The following ANKRD6 variants were observed in gnomAD, a reference collection of about 807,000 sequenced individuals.
ANKRD6 encodes the protein ankyrin repeat domain 6, also known as ankyrin repeat domain-containing protein 6.
In ANKRD6, 56 loss-of-function variants were observed where a neutral mutation model predicts 82.3. That is an observed-to-expected ratio of 0.68 (90% confidence interval 0.55 to 0.85). The LOEUF is 0.85. Ranked by LOEUF, ANKRD6 falls within the 40% of genes least tolerant of loss-of-function variation. The probability of loss-of-function intolerance (pLI) is 0.00; values close to 1 mark genes in which losing one functional copy is unlikely to be tolerated. For missense variants in ANKRD6, 852 were observed against 907.6 expected (o/e 0.94, Z 0.79); for synonymous variants, 347 against 352.1 (o/e 0.99, Z 0.16).
chr6:89,449,873 T>A (rs1192312299), intron 1 of ANKRD6, among the ~76,000 whole-genome samples: 2 of 152,156 alleles, frequency 1.3e-5, no homozygotes, highest in Non-Finnish European at 2.9e-5. Flanking sequence ...CTATCTCGGG[T>A]GAAGATGCTG....
intron 1 of ANKRD6, among the ~76,000 whole-genome samples, chr6:89,543,381 A>G (rs566652737): frequency 2.6e-5 from 4 of 152,286 alleles, no homozygotes; most frequent in Non-Finnish European, 5.9e-5. Context: ...ACTTGGGGAC[A>G]AGGTGCTTCT....
intron 1 of ANKRD6, among the ~76,000 whole-genome samples, chr6:89,520,031 A>G (rs1781701001): frequency 6.6e-6 from 1 of 152,182 alleles, no homozygotes; most frequent in African/African-American, 2.4e-5. Context: ...TCTGTTGCTC[A>G]GGCTTGAGTG....
chr6:89,565,462 A>G (rs1233095509), intron 1 of ANKRD6: 2 of 152,258 alleles, frequency 1.3e-5, no homozygotes, highest in Non-Finnish European at 2.9e-5. Context: ...CATCTGGGCC[A>G]TACTTTCACA....
intron 1 of ANKRD6, among the ~76,000 whole-genome samples, chr6:89,452,000 C>T (rs1426314835): frequency 6.6e-6 from 1 of 152,066 alleles, no homozygotes; most frequent in Admixed American, 6.6e-5. Context: ...AGTTCAAAAC[C>T]AGCCTGGGAA....
At position 89,632,657 on chromosome 6, in the gene ANKRD6, G is replaced by A. The variant is rs1807635967; in HGVS notation, c.*1653G>A. On this transcript the variant is annotated 3_prime_UTR_variant, in exon 16 of 16. Coordinates refer to ENST00000339746, the MANE Select transcript of ANKRD6 (RefSeq NM_001242809.2). ...TGTTATTTCAAGTTGATTTTCATGT[G>A]TTTGGGAGCTTGTCTTGTTCTCAAC... 6.6e-6 allele frequency: 1 copy of A among 152,220 alleles called. No homozygotes were observed. The highest frequency in any genetic ancestry group is 1.5e-5 in the Non-Finnish European group (1 of 68,040). 9.4% of individuals were successfully genotyped at this position (152,220 alleles called of 1,614,324 possible). A position where few individuals can be genotyped will look rare whatever the true frequency, so the allele number is the denominator to read the frequency against.
intron 1 of ANKRD6, among the ~76,000 whole-genome samples, chr6:89,451,040 G>A (rs567325590): frequency 4.6e-5 from 7 of 152,160 alleles, no homozygotes; most frequent in Non-Finnish European, 8.8e-5. Flanking sequence ...GGGTGCCATG[G>A]CTAACGCCTG....
intron 1 of ANKRD6, among the ~76,000 whole-genome samples, chr6:89,559,358 A>G (rs558394714): frequency 3.9e-5 from 6 of 151,974 alleles, no homozygotes; most frequent in Non-Finnish European, 4.4e-5. Flanking sequence ...CTAACACACT[A>G]CCTTCTCTGT....
At chr6:89,526,274 T>C (rs1323745629) in intron 1 of ANKRD6, among the ~76,000 whole-genome samples, 2 of 152,190 alleles carry the variant, frequency 1.3e-5, no homozygotes, top group African/African-American at 4.8e-5. Flanking sequence ...CCCCATCCAG[T>C]TTCCCCATAA....
chr6:89,575,700 G>C (rs1790966706), intron 2 of ANKRD6, among the ~76,000 whole-genome samples: 1 of 152,202 alleles, frequency 6.6e-6, no homozygotes, highest in East Asian at 1.9e-4. Flanking sequence ...AGGCTTGTAA[G>C]ATATATATGG....
intron 5 of ANKRD6, among the ~76,000 whole-genome samples, chr6:89,611,046 A>C (rs1047157782): frequency 1.3e-5 from 2 of 152,128 alleles, no homozygotes; most frequent in African/African-American, 4.8e-5. Context: ...AGCCTGCTAG[A>C]ACCTCAGGCC....
chr6:89,467,048 A>AT (rs1402550098), intron 1 of ANKRD6, among the ~76,000 whole-genome samples: 7 of 151,894 alleles, frequency 4.6e-5, no homozygotes, highest in Non-Finnish European at 1.0e-4. Context: ...ACTTCACAAG[A>AT]TTTTTTTCAA....
At chr6:89,439,608 G>A (rs968557537) in intron 1 of ANKRD6, among the ~76,000 whole-genome samples, 8 of 152,166 alleles carry the variant, frequency 5.3e-5, no homozygotes, top group East Asian at 1.9e-4. Flanking sequence ...ATGCTTCAGC[G>A]TCATTTATCT....
intron 5 of ANKRD6, among the ~76,000 whole-genome samples, chr6:89,610,438 C>G (rs772555343): frequency 6.6e-6 from 1 of 152,146 alleles, no homozygotes; most frequent in Non-Finnish European, 1.5e-5. Flanking sequence ...GTTCACGCCT[C>G]TTTATTGCTG....
At chr6:89,471,625 A>G (rs921608864) in intron 1 of ANKRD6, among the ~76,000 whole-genome samples, 5 of 151,694 alleles carry the variant, frequency 3.3e-5, no homozygotes, top group Non-Finnish European at 7.4e-5. Flanking sequence ...GTTAGTGTGT[A>G]TGTGTGGGTG....
In ANKRD6 at chr6:89,436,238, C is replaced by T. The variant is rs573084657; in HGVS notation, c.-144+2863C>T. ...TATACTACTTTTCAAACCTTGGGAT[C>T]GTGTTGGACACTGCCACTCTCATTT... is the stretch of plus-strand genomic sequence containing the variant. On this transcript the variant is annotated intron_variant, in intron 1 of 15. Transcript: ENST00000339746. Among the ~76,000 whole-genome samples the T allele has an allele frequency of 5.3e-4, 80 of 152,332 alleles. No individual in the cohort carries two copies. In the South Asian group the frequency reaches 0.013, roughly 26 times the overall value.
At chr6:89,574,578 T>C (rs1049317593) in intron 2 of ANKRD6, among the ~76,000 whole-genome samples, 4 of 152,244 alleles carry the variant, frequency 2.6e-5, no homozygotes, top group Non-Finnish European at 5.9e-5. Context: ...AATAATGTTA[T>C]TGACTGTGAA....
At chr6:89,574,800 G>T (rs1387554731) in intron 2 of ANKRD6, among the ~76,000 whole-genome samples, 1 of 152,168 alleles carries the variant, frequency 6.6e-6, no homozygotes, top group Non-Finnish European at 1.5e-5. Context: ...GAGAGTCCTT[G>T]CTCCCACAGG....
intron 5 of ANKRD6, among the ~76,000 whole-genome samples, chr6:89,608,726 C>G (rs1282441211): frequency 6.6e-6 from 1 of 152,174 alleles, no homozygotes; most frequent in Non-Finnish European, 1.5e-5. Context: ...TCTCCCCTCT[C>G]CAGTCCCTCA....
rs1053152044 is a variant in ANKRD6, at chr6:89,537,629, A to G, written c.-143-29205A>G. Among the ~76,000 whole-genome samples, 6 of 151,788 alleles carry G rather than the reference A, an allele frequency of 4.0e-5. No homozygotes were observed. The South Asian group carries it at 6.2e-4, about 16-fold the overall frequency. On this transcript the variant is annotated intron_variant, in intron 1 of 15. Transcript: ENST00000339746. Reference sequence around the variant, plus strand: ...TTTATAATAAAAATTTTAAACACATATAGAAGTAGCAAGATGGCTCATGCC... The same window carrying G: ...TTTATAATAAAAATTTTAAACACATGTAGAAGTAGCAAGATGGCTCATGCC...
Sources: allele counts gnomAD v4.1 joint callset (sites outside exome capture counted in the v4.1 genomes callset), GRCh38; gene constraint gnomAD v4.1.1; transcripts MANE v1.5; gene names NCBI Gene and HGNC (gene_info 2026-07-23, HGNC 2026-07-21).